KSR2: variants seen among roughly 807,000 people sequenced by gnomAD.
KSR2 encodes kinase suppressor of ras 2.
KSR2 carries 25 observed loss-of-function variants against 107.8 expected under a neutral mutation model. That is an observed-to-expected ratio of 0.23 (90% CI 0.17 to 0.32). The LOEUF is 0.32. Among genes scored for constraint, KSR2 ranks in the 10% least tolerant of loss-of-function variants. KSR2 has a pLI of 1.00. For missense variants in KSR2, 887 were observed against 1,268.9 expected, an observed-to-expected ratio of 0.70 and a Z score of 4.57; for synonymous variants, 480 against 507.0, an observed-to-expected ratio of 0.95 and a Z score of 0.71.
At chr12:117,544,993 G>T (rs1167952577) in intron 9 of KSR2, among the ~76,000 whole-genome samples, 1 of 152,062 alleles carries the variant, frequency 6.6e-6, no homozygotes, top group Non-Finnish European at 1.5e-5. Flanking sequence ...TCAAGTTGAG[G>T]AATTTCCTCA....
At chr12:117,944,851 C>T (rs1896128174) in intron 1 of KSR2, among the ~76,000 whole-genome samples, 1 of 151,844 alleles carries the variant, frequency 6.6e-6, no homozygotes, top group East Asian at 1.9e-4. Flanking sequence ...GAGTGAGACC[C>T]TGTTTCAAAA....
chr12:117,913,064 G>C (rs1022039241), intron 1 of KSR2, among the ~76,000 whole-genome samples: 2 of 152,172 alleles, frequency 1.3e-5, no homozygotes, highest in Non-Finnish European at 2.9e-5. Context: ...AGGAAGGTGG[G>C]GACAGGGAAA....
At chr12:117,864,491 G>T (rs572322143) in intron 1 of KSR2, among the ~76,000 whole-genome samples, 5 of 152,198 alleles carry the variant, frequency 3.3e-5, no homozygotes, top group Non-Finnish European at 7.3e-5. Context: ...AAGGGACTGA[G>T]ATTTACTCCA....
intron 14 of KSR2, among the ~76,000 whole-genome samples, chr12:117,509,617 C>T (rs923418204): frequency 7.2e-5 from 11 of 152,192 alleles, no homozygotes; most frequent in East Asian, 1.9e-4. Context: ...GGAACTGAGA[C>T]GCTCTGACAG....
rs530843550 is a variant in KSR2 at position 117,458,418 on chromosome 12, A to C, written c.*8781T>G. Reference sequence around the variant, plus strand: ...TAGCCAAGCTGGTTTTTTTTTTTTAAGTGGTGGAAAAGAAAAACTAAGATT... The same window carrying C: ...TAGCCAAGCTGGTTTTTTTTTTTTACGTGGTGGAAAAGAAAAACTAAGATT... On this transcript the variant is annotated 3_prime_UTR_variant, in exon 20 of 20. Coordinates refer to ENST00000339824, the MANE Select transcript of KSR2 (RefSeq NM_173598.6). The C allele has an allele frequency of 2.0e-5, 3 of 150,628 alleles. No individual in the cohort carries two copies. The highest frequency in any genetic ancestry group is 2.0e-4 in the Admixed American group (3 of 15,226). The allele number at this position is 150,628 out of a possible 1,614,324, so 9.3% of individuals were successfully genotyped here.
At chr12:117,721,587 G>C (rs368559647) in intron 4 of KSR2, among the ~76,000 whole-genome samples, 2 of 152,244 alleles carry the variant, frequency 1.3e-5, no homozygotes, top group East Asian at 3.9e-4. Flanking sequence ...TCCAAAGAGG[G>C]GGCAGATTGA....
At chr12:117,531,605 A>C in intron 11 of KSR2, 61 bp downstream of exon 11, 1 of 1,459,526 alleles carries the variant, frequency 6.9e-7, no homozygotes, top group Admixed American at 1.8e-5. Context: ...CATCCCAGAA[A>C]CTCCTGCAAT....
At chr12:117,500,160 T>C (rs1020153078) in intron 14 of KSR2, among the ~76,000 whole-genome samples, 1 of 152,130 alleles carries the variant, frequency 6.6e-6, no homozygotes, top group African/African-American at 2.4e-5. Context: ...GGCATAGAAA[T>C]GTTTTGAACT....
At chr12:117,604,022 T>G (rs1040199309) in intron 5 of KSR2, among the ~76,000 whole-genome samples, 14 of 152,190 alleles carry the variant, frequency 9.2e-5, no homozygotes, top group Non-Finnish European at 1.8e-4. Flanking sequence ...GAATGCACAT[T>G]GGGGTTTCCA....
At chr12:117,811,528 G>C (rs1311832465) in intron 3 of KSR2, among the ~76,000 whole-genome samples, 4 of 152,188 alleles carry the variant, frequency 2.6e-5, no homozygotes, top group Non-Finnish European at 5.9e-5. Flanking sequence ...AGGAGATTCT[G>C]ATCCATGCTC....
chr12:117,689,625 C>T (rs1362913425), intron 4 of KSR2, among the ~76,000 whole-genome samples: 1 of 152,146 alleles, frequency 6.6e-6, no homozygotes, highest in Non-Finnish European at 1.5e-5. Flanking sequence ...CCCTGGTCTA[C>T]ACAAACAGAT....
chr12:117,625,634 T>C (rs574882028), intron 5 of KSR2, among the ~76,000 whole-genome samples: 2 of 152,202 alleles, frequency 1.3e-5, no homozygotes, highest in Non-Finnish European at 2.9e-5. Flanking sequence ...TTCGCATTGA[T>C]GTTCATCAGG....
At chr12:117,606,215 C>T (rs1881220200) in intron 5 of KSR2, among the ~76,000 whole-genome samples, 1 of 152,108 alleles carries the variant, frequency 6.6e-6, no homozygotes, top group South Asian at 2.1e-4. Flanking sequence ...TAGACAGTTT[C>T]CTTAGTGATT....
At chr12:117,653,779 C>T (rs1178543525) in intron 5 of KSR2, among the ~76,000 whole-genome samples, 3 of 152,212 alleles carry the variant, frequency 2.0e-5, no homozygotes, top group Admixed American at 6.5e-5. Flanking sequence ...GCAACACATT[C>T]CTCATTTGGG....
rs1397100137 is a variant in KSR2 at position 117,555,287 on chromosome 12, G to A, written c.1400C>T (p.Ala467Val). The change falls in exon 9 of 20, where the codon GCA (alanine) becomes GTA (valine). Residue 467 changes from alanine to valine, a missense_variant. Physicochemically the swap from Ala to Val is moderately conservative, Grantham distance 64 (BLOSUM62 0). This residue lies in a region of KSR2 where 60 missense variants were observed against 77.5 expected (regional missense o/e 0.77). Coordinates refer to ENST00000339824, the MANE Select transcript of KSR2 (RefSeq NM_173598.6). ...AACGGACTCTGTCCGGACTAACCTTGCTGGATCCGTAGGGGTAAAAACATT... is the reference window on the plus strand; with the variant it reads ...AACGGACTCTGTCCGGACTAACCTTACTGGATCCGTAGGGGTAAAAACATT... The part of the protein sequence containing the change: ...HLLIIHRGDP[A>V]RLVRTESVPC... 3.1e-6 allele frequency: 5 copies of A among 1,613,898 alleles called. No homozygotes were observed. Among genetic ancestry groups the A allele is most frequent in the Middle Eastern group, 3.3e-4 (2 of 6,060 alleles).
chr12:117,691,471 G>C (rs1004980358), intron 4 of KSR2, among the ~76,000 whole-genome samples: 1 of 152,190 alleles, frequency 6.6e-6, no homozygotes, highest in Non-Finnish European at 1.5e-5. Context: ...GTTGCCTTCG[G>C]TGTGAGTTTC....
Position 117,559,725 on chromosome 12 carries a change from C to G in KSR2, c.1326-1152G>C, listed in dbSNP as rs149794357. On this transcript the variant is annotated intron_variant, in intron 7 of 19. Coordinates refer to ENST00000339824, the MANE Select transcript of KSR2 (RefSeq NM_173598.6). ...AGCCAAAGAGGACACCTTGCTCTTT[C>G]CCCTGGAGTTGCCTGACTTCACAAA... Among the ~76,000 whole-genome samples, 323 of 152,314 alleles carry G rather than the reference C, an allele frequency of 2.1e-3. 1 individual carries two copies. Among genetic ancestry groups the G allele is most frequent in the African/African-American group, 7.5e-3 (313 of 41,572 alleles).
At chr12:117,691,032 C>T (rs944342667) in intron 4 of KSR2, among the ~76,000 whole-genome samples, 6 of 152,154 alleles carry the variant, frequency 3.9e-5, no homozygotes, top group Admixed American at 1.3e-4. Flanking sequence ...AGAAGAGAAT[C>T]GGCAAACCTA....
intron 14 of KSR2, among the ~76,000 whole-genome samples, chr12:117,507,585 G>T (rs530372359): frequency 6.6e-6 from 1 of 152,192 alleles, no homozygotes; most frequent in Non-Finnish European, 1.5e-5. Context: ...AGCAAGGGCC[G>T]TGAAGGCTGG....
Sources: allele counts gnomAD v4.1 joint callset (sites outside exome capture counted in the v4.1 genomes callset), GRCh38; gene constraint gnomAD v4.1.1; regional missense constraint gnomAD v4.1.1; transcripts MANE v1.5; gene names NCBI Gene and HGNC (gene_info 2026-07-23, HGNC 2026-07-21).